MDFIC2: variants seen among roughly 807,000 people sequenced by gnomAD.
MDFIC2 encodes MyoD family inhibitor domain containing 2.
At chr3:70,246,493 C>T (rs1343193876) in intron 2 of MDFIC2, among the ~76,000 whole-genome samples, 1 of 152,004 alleles carries the variant, frequency 6.6e-6, no homozygotes, top group Non-Finnish European at 1.5e-5. Flanking sequence ...CATCACTATA[C>T]ATAGGGCTAT....
At chr3:70,311,522 A>G (rs1702453134) in intron 2 of MDFIC2, among the ~76,000 whole-genome samples, 1 of 152,200 alleles carries the variant, frequency 6.6e-6, no homozygotes, top group African/African-American at 2.4e-5. Context: ...TTCTGTGATT[A>G]TTATTTAAAA....
At chr3:70,239,845 T>C (rs1439019476) in intron 2 of MDFIC2, among the ~76,000 whole-genome samples, 1 of 152,164 alleles carries the variant, frequency 6.6e-6, no homozygotes, top group Non-Finnish European at 1.5e-5. Context: ...GTCTGGCAGA[T>C]AGATCATCAG....
intron 2 of MDFIC2, among the ~76,000 whole-genome samples, chr3:70,280,543 G>T (rs1411511274): frequency 6.6e-6 from 1 of 152,134 alleles, no homozygotes; most frequent in Non-Finnish European, 1.5e-5. Context: ...ACTTTTGCCT[G>T]TATTGAATGT....
intron 3 of MDFIC2, among the ~76,000 whole-genome samples, chr3:70,202,264 G>C (rs1701247235): frequency 6.6e-6 from 1 of 152,136 alleles, no homozygotes; most frequent in Non-Finnish European, 1.5e-5. Flanking sequence ...ATAGTGGTCA[G>C]TGACTAGTGG....
intron 2 of MDFIC2, among the ~76,000 whole-genome samples, chr3:70,284,766 A>G: frequency 6.6e-6 from 1 of 152,194 alleles, no homozygotes; most frequent in Non-Finnish European, 1.5e-5. Context: ...GTAGGAGGAG[A>G]CAGAGGATCA....
chr3:70,220,514 C>T (rs1701452797), intron 2 of MDFIC2, among the ~76,000 whole-genome samples: 3 of 152,068 alleles, frequency 2.0e-5, no homozygotes, highest in South Asian at 4.1e-4. Context: ...CAATTTCTAA[C>T]TGGTACAAAA....
At chr3:70,244,816 A>G (rs1701691406) in intron 2 of MDFIC2, among the ~76,000 whole-genome samples, 1 of 152,226 alleles carries the variant, frequency 6.6e-6, no homozygotes. Flanking sequence ...GTATATATCC[A>G]TGCCTCTCAC....
chr3:70,207,532 G>A (rs1183028551), intron 2 of MDFIC2, among the ~76,000 whole-genome samples: 1 of 151,956 alleles, frequency 6.6e-6, no homozygotes, highest in Non-Finnish European at 1.5e-5. Flanking sequence ...AGCGTTGTAT[G>A]TATTTTACAT....
intron 2 of MDFIC2, among the ~76,000 whole-genome samples, chr3:70,296,884 T>G (rs1240550977): frequency 2.0e-5 from 3 of 152,062 alleles, no homozygotes. Context: ...CATTTAATGT[T>G]TCCCATTGCC....
intron 2 of MDFIC2, among the ~76,000 whole-genome samples, chr3:70,271,014 C>T (rs965741030): frequency 2.0e-5 from 3 of 151,754 alleles, no homozygotes; most frequent in Non-Finnish European, 2.9e-5. Flanking sequence ...GCACATGTAT[C>T]CCAGAACTTC....
chr3:70,284,532 T>G (rs891062558), intron 2 of MDFIC2, among the ~76,000 whole-genome samples: 4 of 152,094 alleles, frequency 2.6e-5, no homozygotes, highest in African/African-American at 9.7e-5. Context: ...ATCAAGAAAA[T>G]GTGGTACATA....
intron 2 of MDFIC2, among the ~76,000 whole-genome samples, chr3:70,299,352 T>C (rs146007266): frequency 2.4e-4 from 37 of 151,926 alleles, no homozygotes; most frequent in African/African-American, 5.6e-4. Flanking sequence ...ATATAAAGCA[T>C]ATAAGATGTA....
chr3:70,209,657 T>C (rs890112305), intron 2 of MDFIC2, among the ~76,000 whole-genome samples: 2 of 152,096 alleles, frequency 1.3e-5, no homozygotes, highest in African/African-American at 2.4e-5. Context: ...TCCAAAAGCT[T>C]TGTGCTTGTC....
chr3:70,212,290 T>C (rs181067671), intron 2 of MDFIC2, among the ~76,000 whole-genome samples: 2 of 152,156 alleles, frequency 1.3e-5, no homozygotes, highest in South Asian at 4.1e-4. Flanking sequence ...TATTGGACAT[T>C]TTTTGTGGGT....
In MDFIC2 at chr3:70,194,962, T is replaced by C. The variant is rs144637006; in HGVS notation, c.*1964A>G. Among the ~76,000 whole-genome samples the C allele has an allele frequency of 6.6e-6, 1 of 152,086 alleles. No homozygotes were observed. The highest frequency in any genetic ancestry group is 1.5e-5 in the Non-Finnish European group (1 of 68,024). ...ACTAGGAGGTGCAAGGAAACAACTG[T>C]TGATGAGTCAGTCTGGTAGTGTTTT... On this transcript the variant is annotated 3_prime_UTR_variant, in exon 4 of 4. Coordinates refer to ENST00000567252, the MANE Select transcript of MDFIC2 (RefSeq NM_001364677.1).
chr3:70,264,738 CAG>C (rs1701899761), intron 2 of MDFIC2, among the ~76,000 whole-genome samples: 1 of 152,182 alleles, frequency 6.6e-6, no homozygotes, highest in South Asian at 2.1e-4. Context: ...AAATATTAAA[CAG>C]GGAATAATAG....
At chr3:70,218,896 A>G (rs1701437883) in intron 2 of MDFIC2, among the ~76,000 whole-genome samples, 2 of 152,134 alleles carry the variant, frequency 1.3e-5, no homozygotes, top group South Asian at 4.1e-4. Flanking sequence ...TTCTGAATAT[A>G]TTTTAGAGTG....
chr3:70,300,080 C>T (rs757593970), intron 2 of MDFIC2, among the ~76,000 whole-genome samples: 1 of 152,050 alleles, frequency 6.6e-6, no homozygotes, highest in Non-Finnish European at 1.5e-5. Context: ...AGCCAAATTC[C>T]CCATTTTTCA....
chr3:70,209,745 G>A (rs1701325048), intron 2 of MDFIC2, among the ~76,000 whole-genome samples: 1 of 151,990 alleles, frequency 6.6e-6, no homozygotes, highest in East Asian at 1.9e-4. Flanking sequence ...TGCTGAGACT[G>A]CACATCAGCA....
Sources: gnomAD v4.1 joint callset for allele counts (sites outside exome capture counted in the v4.1 genomes callset) on GRCh38, gnomAD v4.1.1 for gene constraint, MANE v1.5 for transcripts, NCBI Gene and HGNC (gene_info 2026-07-23, HGNC 2026-07-21) for gene names.